PLXDC2: variants seen among roughly 807,000 people sequenced by gnomAD.
The protein encoded by PLXDC2 is plexin domain containing 2, also known as plexin domain-containing protein 2.
A neutral mutation model predicts 68.9 loss-of-function variants in PLXDC2; 40 were observed. That is an observed-to-expected ratio of 0.58 (90% confidence interval 0.45 to 0.76). The LOEUF (loss-of-function observed/expected upper bound fraction) is 0.76, where lower values mean the gene tolerates loss of function less well. Ranked by LOEUF, PLXDC2 falls within the 30% of genes least tolerant of loss-of-function variation. PLXDC2 has a pLI of 0.00. For missense variants in PLXDC2, 644 were observed against 661.9 expected, an observed-to-expected ratio of 0.97 and a Z score of 0.30; for synonymous variants, 243 against 234.2, an observed-to-expected ratio of 1.04 and a Z score of -0.34.
At chr10:19,891,330 C>T (rs1039678067) in intron 1 of PLXDC2, among the ~76,000 whole-genome samples, 3 of 152,038 alleles carry the variant, frequency 2.0e-5, no homozygotes, top group Admixed American at 2.0e-4. Context: ...TTTCTGTGTC[C>T]CAATTTAAAG....
chr10:19,897,506 A>G (rs1409630651), intron 1 of PLXDC2, among the ~76,000 whole-genome samples: 1 of 152,074 alleles, frequency 6.6e-6, no homozygotes, highest in Non-Finnish European at 1.5e-5. Context: ...CGGCCTCCCA[A>G]AGTGCTGGGA....
intron 9 of PLXDC2, among the ~76,000 whole-genome samples, chr10:20,209,916 G>T (rs1835046340): frequency 6.6e-6 from 1 of 152,072 alleles, no homozygotes; most frequent in Admixed American, 6.6e-5. Flanking sequence ...AAAGACAGGT[G>T]TAAGAAATTA....
intron 9 of PLXDC2, among the ~76,000 whole-genome samples, chr10:20,180,148 A>G (rs1480662173): frequency 6.6e-6 from 1 of 152,084 alleles, no homozygotes; most frequent in Non-Finnish European, 1.5e-5. Context: ...TATTGAAAGC[A>G]TAGTTTCTTT....
intron 4 of PLXDC2, among the ~76,000 whole-genome samples, chr10:20,142,669 T>C (rs12355538): frequency 0.26 from 39,525 of 151,984 alleles, 5,791 homozygotes; most frequent in East Asian, 0.5. Flanking sequence ...TTGTGCATTG[T>C]CAATGTTTTA....
intron 2 of PLXDC2, among the ~76,000 whole-genome samples, chr10:20,003,242 A>C (rs1834971991): frequency 6.6e-6 from 1 of 152,190 alleles, no homozygotes; most frequent in Non-Finnish European, 1.5e-5. Flanking sequence ...CCCAAATGAG[A>C]ACAAACAGAG....
intron 1 of PLXDC2, among the ~76,000 whole-genome samples, chr10:19,942,193 A>G (rs551496729): frequency 6.6e-6 from 1 of 152,300 alleles, no homozygotes; most frequent in Non-Finnish European, 1.5e-5. Flanking sequence ...ACTTAAACTA[A>G]AATATTAGAG....
intron 4 of PLXDC2, among the ~76,000 whole-genome samples, chr10:20,083,960 C>G (rs1833153539): frequency 6.6e-6 from 1 of 152,070 alleles, no homozygotes. Flanking sequence ...GTAAGTATCC[C>G]CATTTAATTA....
At chr10:19,986,688 A>G (rs934466361) in intron 1 of PLXDC2, among the ~76,000 whole-genome samples, 1 of 152,210 alleles carries the variant, frequency 6.6e-6, no homozygotes, top group Admixed American at 6.5e-5. Context: ...CATTATGTAA[A>G]GTTAAAGTGA....
At chr10:19,956,178 G>A (rs1414702756) in intron 1 of PLXDC2, among the ~76,000 whole-genome samples, 1 of 152,054 alleles carries the variant, frequency 6.6e-6, no homozygotes, top group Non-Finnish European at 1.5e-5. Context: ...ATTTGTTTCT[G>A]TAATCTCCAC....
chr10:20,235,900 C>T (rs1299323736), intron 12 of PLXDC2, among the ~76,000 whole-genome samples: 2 of 152,110 alleles, frequency 1.3e-5, no homozygotes, highest in African/African-American at 4.8e-5. Flanking sequence ...GAAAGTGCTT[C>T]GTCGGCCTAT....
intron 13 of PLXDC2, among the ~76,000 whole-genome samples, chr10:20,258,086 C>T (rs1835765661): frequency 6.7e-6 from 1 of 148,820 alleles, no homozygotes; most frequent in South Asian, 2.1e-4. Flanking sequence ...ACTGCAACCT[C>T]CGCCTCCCGA....
At chr10:20,224,490 G>A (rs11011888) in intron 12 of PLXDC2, among the ~76,000 whole-genome samples, 68,512 of 152,054 alleles carry the variant, frequency 0.45, 17,696 homozygotes, top group Middle Eastern at 0.65. Context: ...TGATTAGGTT[G>A]CTTCCAAGTG....
At chr10:19,988,423 C>T (rs191789230) in intron 1 of PLXDC2, among the ~76,000 whole-genome samples, 5 of 152,136 alleles carry the variant, frequency 3.3e-5, no homozygotes, top group Admixed American at 6.5e-5. Flanking sequence ...AAGTAATCCT[C>T]TTAATATCAC....
At chr10:20,277,934 C>T (rs1180223162) in intron 13 of PLXDC2, among the ~76,000 whole-genome samples, 5 of 152,120 alleles carry the variant, frequency 3.3e-5, no homozygotes, top group Admixed American at 6.5e-5. Context: ...TAAGTGAGAA[C>T]GTGTGATGTT....
chr10:19,848,236 G>A (rs1033732595), intron 1 of PLXDC2, among the ~76,000 whole-genome samples: 6 of 152,016 alleles, frequency 3.9e-5, no homozygotes, highest in African/African-American at 1.2e-4. Context: ...TGAGACACAA[G>A]ACGTACCTAT....
intron 13 of PLXDC2, among the ~76,000 whole-genome samples, chr10:20,261,427 G>C (rs573953097): frequency 3.9e-5 from 6 of 152,042 alleles, no homozygotes; most frequent in Non-Finnish European, 8.8e-5. Flanking sequence ...AATAACAGCA[G>C]AACAGAAAAC....
At chr10:19,917,199 G>A (rs181017694) in intron 1 of PLXDC2, among the ~76,000 whole-genome samples, 1 of 152,116 alleles carries the variant, frequency 6.6e-6, no homozygotes, top group African/African-American at 2.4e-5. Flanking sequence ...GCAGTGCGGT[G>A]TGAGAAAGAA....
At chr10:19,861,311 G>A (rs1005820698) in intron 1 of PLXDC2, among the ~76,000 whole-genome samples, 4 of 151,806 alleles carry the variant, frequency 2.6e-5, no homozygotes, top group Admixed American at 6.6e-5. Context: ...CTGGGATTAC[G>A]GGCATGAGCC....
intron 3 of PLXDC2, among the ~76,000 whole-genome samples, chr10:20,057,149 T>A (rs565184292): frequency 6.6e-6 from 1 of 152,200 alleles, no homozygotes; most frequent in Non-Finnish European, 1.5e-5. Context: ...TAAAACATAT[T>A]CTCATCCTAA....
Sources: gnomAD v4.1 joint callset for allele counts (sites outside exome capture counted in the v4.1 genomes callset) on GRCh38, gnomAD v4.1.1 for gene constraint, MANE v1.5 for transcripts, NCBI Gene and HGNC (gene_info 2026-07-23, HGNC 2026-07-21) for gene names.